The following CDK14 variants were observed in gnomAD, a reference collection of about 807,000 sequenced individuals.
The protein encoded by CDK14 is cyclin dependent kinase 14.
Under a neutral mutation model 60.7 loss-of-function variants are expected in CDK14, and 34 were observed. The observed-to-expected ratio is 0.56, with a 90% CI of 0.43 to 0.75. The LOEUF is 0.75. Ranked by LOEUF, CDK14 falls within the 30% of genes least tolerant of loss-of-function variation. The pLI is 0.00. For synonymous variants in CDK14, 197 were observed against 203.7 expected (o/e 0.97, Z 0.28); for missense variants, 482 against 564.1 (o/e 0.85, Z 1.47).
intron 9 of CDK14, among the ~76,000 whole-genome samples, chr7:90,978,602 C>A (rs1244034819): frequency 6.6e-6 from 1 of 152,064 alleles, no homozygotes; most frequent in Admixed American, 6.6e-5. Flanking sequence ...AATAACCTAT[C>A]CCTCTTCTCC....
At chr7:90,781,547 G>T (rs1348411928) in intron 4 of CDK14, among the ~76,000 whole-genome samples, 4 of 148,156 alleles carry the variant, frequency 2.7e-5, no homozygotes, top group Non-Finnish European at 6.0e-5. Flanking sequence ...TTTATGGTTT[G>T]AGGTCTAACA....
At chr7:90,752,756 T>C (rs1443374483) in intron 4 of CDK14, among the ~76,000 whole-genome samples, 1 of 151,948 alleles carries the variant, frequency 6.6e-6, no homozygotes, top group Admixed American at 6.5e-5. Context: ...AATAGAACAC[T>C]AATTAAAGGA....
chr7:90,758,998 GTGA>G (rs1254066040), intron 4 of CDK14, among the ~76,000 whole-genome samples: 6 of 150,368 alleles, frequency 4.0e-5, no homozygotes, highest in African/African-American at 1.5e-4. Flanking sequence ...AGAGGTTGCA[GTGA>G]GTCGAGATTG....
intron 14 of CDK14, among the ~76,000 whole-genome samples, chr7:91,151,971 C>G (rs926925635): frequency 6.6e-6 from 1 of 152,176 alleles, no homozygotes; most frequent in African/African-American, 2.4e-5. Flanking sequence ...GGAGTTATAC[C>G]CATGCATTAC....
chr7:90,990,735 T>A (rs1234868106), intron 10 of CDK14, among the ~76,000 whole-genome samples: 2 of 152,216 alleles, frequency 1.3e-5, no homozygotes. Context: ...TAATATGTAA[T>A]TGAAAATGTT....
chr7:90,941,806 A>G (rs1207289397), intron 8 of CDK14, among the ~76,000 whole-genome samples: 6 of 152,028 alleles, frequency 3.9e-5, no homozygotes, highest in Non-Finnish European at 7.4e-5. Flanking sequence ...TTGTGTCTGA[A>G]GCAGGTGCCT....
chr7:90,827,375 C>T (rs1789761687), intron 5 of CDK14, among the ~76,000 whole-genome samples: 1 of 152,094 alleles, frequency 6.6e-6, no homozygotes, highest in Non-Finnish European at 1.5e-5. Flanking sequence ...TTGGTTGCTT[C>T]CAAGTTTTGC....
intron 2 of CDK14, among the ~76,000 whole-genome samples, chr7:90,639,919 G>T (rs530834312): frequency 6.6e-6 from 1 of 152,096 alleles, no homozygotes; most frequent in Non-Finnish European, 1.5e-5. Flanking sequence ...AGGACCCTCC[G>T]AGCCAGGTGC....
chr7:91,157,330 CAGATTCATGT>C (rs1801014279), intron 14 of CDK14, among the ~76,000 whole-genome samples: 1 of 152,184 alleles, frequency 6.6e-6, no homozygotes, highest in African/African-American at 2.4e-5. Flanking sequence ...AGTCATACTT[CAGATTCATGT>C]AGACCTGGGT....
In CDK14 at chr7:90,726,756, ACCT is replaced by A. The variant is rs1802647003; in HGVS notation, c.319_321del (p.Ser107del). On this transcript the variant is annotated inframe_deletion, in exon 3 of 15. Coordinates refer to ENST00000380050, the MANE Select transcript of CDK14 (RefSeq NM_001287135.2). Reference sequence around the variant, plus strand: ...GAACAATGCTTGCATTAACTTTAAGACCTCCTCCACTGGCAAAGAGTCACCTAA... The same window carrying A: ...GAACAATGCTTGCATTAACTTTAAGACCTCCACTGGCAAAGAGTCACCTAA... 1.9e-6 allele frequency: 3 copies of A among 1,613,452 alleles called. No homozygotes were observed. The highest frequency in any genetic ancestry group is 2.5e-6 in the Non-Finnish European group (3 of 1,179,782).
intron 2 of CDK14, among the ~76,000 whole-genome samples, chr7:90,677,538 G>T (rs2116550819): frequency 6.6e-6 from 1 of 152,274 alleles, no homozygotes; most frequent in East Asian, 1.9e-4. Context: ...TAACCTGATA[G>T]TGATTTTACT....
intron 7 of CDK14, among the ~76,000 whole-genome samples, chr7:90,914,302 C>T (rs1163696036): frequency 6.6e-6 from 1 of 152,178 alleles, no homozygotes; most frequent in Non-Finnish European, 1.5e-5. Context: ...ATCAATTCTT[C>T]TACTTTTTAA....
chr7:90,933,124 G>C (rs1218790718), intron 8 of CDK14, among the ~76,000 whole-genome samples: 1 of 152,006 alleles, frequency 6.6e-6, no homozygotes, highest in Admixed American at 6.6e-5. Flanking sequence ...CAGATCCCTT[G>C]AGCTCAAGAG....
At chr7:90,872,768 G>T (rs1791414633) in intron 6 of CDK14, among the ~76,000 whole-genome samples, 1 of 152,138 alleles carries the variant, frequency 6.6e-6, no homozygotes, top group Non-Finnish European at 1.5e-5. Flanking sequence ...CATGGTCTAA[G>T]ATAGAAGTGT....
At chr7:90,787,644 A>G (rs1231400351) in intron 4 of CDK14, among the ~76,000 whole-genome samples, 2 of 152,218 alleles carry the variant, frequency 1.3e-5, no homozygotes, top group Admixed American at 1.3e-4. Flanking sequence ...ATCAGTTGAT[A>G]AAACAGGAAA....
At chr7:91,137,167 G>T (rs1209460619) in intron 14 of CDK14, among the ~76,000 whole-genome samples, 1 of 152,180 alleles carries the variant, frequency 6.6e-6, no homozygotes, top group East Asian at 1.9e-4. Flanking sequence ...TGTTATGGTT[G>T]AAATGCTTGT....
chr7:91,126,227 G>A (rs1423069112), intron 14 of CDK14, among the ~76,000 whole-genome samples: 1 of 152,086 alleles, frequency 6.6e-6, no homozygotes, highest in Non-Finnish European at 1.5e-5. Context: ...TTCTGCACAG[G>A]CAGGAAAAAT....
chr7:91,125,584 G>A (rs1799916844), intron 14 of CDK14, among the ~76,000 whole-genome samples: 1 of 151,808 alleles, frequency 6.6e-6, no homozygotes, highest in Non-Finnish European at 1.5e-5. Flanking sequence ...CAGCCAAAAA[G>A]AATAATTTTT....
chr7:90,775,137 A>G (rs1253112877), intron 4 of CDK14, among the ~76,000 whole-genome samples: 1 of 152,192 alleles, frequency 6.6e-6, no homozygotes, highest in Non-Finnish European at 1.5e-5. Flanking sequence ...CTGCTCAAGA[A>G]ACAGAAACAG....
Sources: allele counts gnomAD v4.1 joint callset (sites outside exome capture counted in the v4.1 genomes callset), GRCh38; gene constraint gnomAD v4.1.1; transcripts MANE v1.5; gene names NCBI Gene and HGNC (gene_info 2026-07-23, HGNC 2026-07-21).